Variants in PPP6R3 observed in about 807,000 individuals in gnomAD.
The protein encoded by PPP6R3 is protein phosphatase 6 regulatory subunit 3.
In PPP6R3, 38 loss-of-function variants were observed where a neutral mutation model predicts 110.7. That is an observed-to-expected ratio of 0.34 (90% CI 0.26 to 0.45). The LOEUF is 0.45. PPP6R3 is among the 20% of genes least tolerant of loss of function. The pLI is 1.00. For missense variants in PPP6R3, 870 were observed against 1,062.4 expected (o/e 0.82, Z 2.52); for synonymous variants, 369 against 373.5 (o/e 0.99, Z 0.14).
intron 3 of PPP6R3, among the ~76,000 whole-genome samples, chr11:68,543,613 G>C (rs925772975): frequency 1.3e-5 from 2 of 152,124 alleles, no homozygotes; most frequent in Non-Finnish European, 2.9e-5. Flanking sequence ...TGTCCCTCCT[G>C]CCCCAGTCTT....
intron 2 of PPP6R3, among the ~76,000 whole-genome samples, chr11:68,526,857 A>G (rs772816604): frequency 1.3e-5 from 2 of 152,256 alleles, no homozygotes; most frequent in African/African-American, 2.4e-5. Context: ...TCAAGGTTTC[A>G]TAATGAGAAT....
In PPP6R3 at chr11:68,614,859, C is replaced by T; in HGVS notation, c.*1742C>T. 3 of 1,023,456 alleles carry T rather than the reference C, an allele frequency of 2.9e-6. No individual in the cohort carries two copies. The highest frequency in any genetic ancestry group is 5.3e-5 in the East Asian group (2 of 37,896). The allele number at this position is 1,023,456 out of a possible 1,614,324, so 63.4% of individuals were successfully genotyped here. A position where few individuals can be genotyped will look rare whatever the true frequency, so the allele number is the denominator to read the frequency against. ...CTGCCTGACTTGAATGGCGTTGGAC[C>T]TCGGGGATTACTGGTAGATAATATG... On this transcript the variant is annotated 3_prime_UTR_variant, in exon 24 of 24. Coordinates refer to ENST00000393800, the MANE Select transcript of PPP6R3 (RefSeq NM_001164161.2).
At chr11:68,607,773 T>C (rs760423314) in intron 22 of PPP6R3, among the ~76,000 whole-genome samples, 13 of 152,070 alleles carry the variant, frequency 8.5e-5, no homozygotes, top group Non-Finnish European at 1.3e-4. Flanking sequence ...CTATATCTAA[T>C]CTAGATTTTT....
chr11:68,536,527 A>G (rs1460113863), intron 2 of PPP6R3, among the ~76,000 whole-genome samples: 1 of 152,146 alleles, frequency 6.6e-6, no homozygotes, highest in Non-Finnish European at 1.5e-5. Context: ...GTGCCTGCCA[A>G]AGTGCCAGGA....
At chr11:68,549,713 T>G (rs2099363335) in intron 5 of PPP6R3, among the ~76,000 whole-genome samples, 1 of 152,234 alleles carries the variant, frequency 6.6e-6, no homozygotes, top group African/African-American at 2.4e-5. Flanking sequence ...AACCAGTTTA[T>G]TCCTTTGGTT....
intron 8 of PPP6R3, among the ~76,000 whole-genome samples, chr11:68,561,549 A>G (rs1002009205): frequency 6.6e-6 from 1 of 152,240 alleles, no homozygotes; most frequent in African/African-American, 2.4e-5. Flanking sequence ...AGTATATTGT[A>G]AGGATAATAT....
intron 1 of PPP6R3, among the ~76,000 whole-genome samples, chr11:68,469,347 G>A (rs1219834877): frequency 6.6e-6 from 1 of 152,046 alleles, no homozygotes; most frequent in African/African-American, 2.4e-5. Context: ...GTGCAGTGGT[G>A]TAATCTGGAG....
At chr11:68,508,258 A>G (rs893051378) in intron 1 of PPP6R3, among the ~76,000 whole-genome samples, 1 of 149,370 alleles carries the variant, frequency 6.7e-6, no homozygotes, top group South Asian at 2.1e-4. Context: ...TCTCCCGAGT[A>G]TCTGGGATTA....
In PPP6R3 at chr11:68,587,944, G is replaced by C; in HGVS notation, c.1650G>C (p.Gln550His). 3.1e-6 allele frequency: 5 copies of C among 1,614,176 alleles called. No individual in the cohort carries two copies. The highest frequency in any genetic ancestry group is 2.2e-5 in the East Asian group (1 of 44,884). The change falls in exon 16 of 24, where the codon CAG becomes CAC. Residue 550 changes from glutamine to histidine, a missense_variant. Transcript: ENST00000393800. The stretch of plus-strand genomic sequence containing the variant: ...GTTGCCAGGCCTTTTCTGATTATCA[G>C]ATGCAACAAATGACGTCCAATTTTA... Reference protein sequence around the residue: ...SSLQQAFSDYQMQQMTSNFID... With the variant: ...SSLQQAFSDYHMQQMTSNFID...
intron 1 of PPP6R3, among the ~76,000 whole-genome samples, chr11:68,517,825 C>G (rs577308373): frequency 6.6e-6 from 1 of 152,030 alleles, no homozygotes; most frequent in Non-Finnish European, 1.5e-5. Flanking sequence ...CTAATCCCAG[C>G]TACTCAGGAG....
chr11:68,552,815 T>A (rs984473595), intron 6 of PPP6R3, among the ~76,000 whole-genome samples: 2 of 152,230 alleles, frequency 1.3e-5, no homozygotes, highest in East Asian at 3.8e-4. Context: ...GATTGCTCAG[T>A]AGGGGCTGTC....
chr11:68,583,018 G>A, intron 14 of PPP6R3, 25 bp from the exon 15 acceptor site: 1 of 1,414,548 alleles, frequency 7.1e-7, no homozygotes, highest in Non-Finnish European at 9.6e-7. Flanking sequence ...ATGTTAAATA[G>A]TCTTTTACAT....
At chr11:68,481,242 C>CT (rs2098908701) in intron 1 of PPP6R3, among the ~76,000 whole-genome samples, 1 of 152,142 alleles carries the variant, frequency 6.6e-6, no homozygotes, top group African/African-American at 2.4e-5. Flanking sequence ...GACACATAGG[C>CT]TGGGGCTAGT....
At position 68,575,934 on chromosome 11, in the gene PPP6R3, T is replaced by C. The variant is rs757322075; in HGVS notation, c.1460-24T>C. On this transcript the variant is annotated intron_variant, in intron 13 of 23. Transcript: ENST00000393800. ...GTGGAGGTCATTGTGGTGATAATGC[T>C]TTTTTGCTTTTCTCACTCTGAAGAT... 18 of 1,555,598 alleles carry C rather than the reference T, an allele frequency of 1.2e-5. No homozygotes were observed. The Admixed American group carries it at 2.1e-4, about 18-fold the overall frequency.
intron 10 of PPP6R3, 75 bp from the exon 11 acceptor site, chr11:68,569,673 T>A (rs2099494884): frequency 1.6e-6 from 2 of 1,260,164 alleles, no homozygotes; most frequent in Non-Finnish European, 2.2e-6. Context: ...ATTAAATCAC[T>A]GTTCTGTAAA....
At chr11:68,542,093 G>A (rs1290338212) in intron 3 of PPP6R3, among the ~76,000 whole-genome samples, 1 of 146,582 alleles carries the variant, frequency 6.8e-6, no homozygotes, top group Non-Finnish European at 1.5e-5. Flanking sequence ...CAGCACAGAG[G>A]AAACACAGCC....
intron 1 of PPP6R3, among the ~76,000 whole-genome samples, chr11:68,487,500 G>A (rs1458131630): frequency 6.6e-6 from 1 of 151,850 alleles, no homozygotes; most frequent in Admixed American, 6.6e-5. Flanking sequence ...AACCTGGGAG[G>A]CAGAGGTTGC....
chr11:68,490,973 C>T (rs930093138), intron 1 of PPP6R3, among the ~76,000 whole-genome samples: 6 of 152,080 alleles, frequency 3.9e-5, no homozygotes. Flanking sequence ...GGTTGCTTGA[C>T]TCAGGAATTT....
At chr11:68,595,639 A>G (rs1465412141) in intron 18 of PPP6R3, among the ~76,000 whole-genome samples, 2 of 152,252 alleles carry the variant, frequency 1.3e-5, no homozygotes, top group Non-Finnish European at 2.9e-5. Flanking sequence ...CAAATGACAC[A>G]TTAGATAAAA....
Sources: allele counts gnomAD v4.1 joint callset (sites outside exome capture counted in the v4.1 genomes callset), GRCh38; gene constraint gnomAD v4.1.1; transcripts MANE v1.5; gene names NCBI Gene and HGNC (gene_info 2026-07-23, HGNC 2026-07-21).